ACKR1: variants seen among roughly 807,000 people sequenced by gnomAD.
ACKR1 encodes atypical chemokine receptor 1.
Under a neutral mutation model 2.5 loss-of-function variants are expected in ACKR1, and 3 were observed. That is an observed-to-expected ratio of 1.18 (90% CI 0.54 to 3.06). ACKR1 has a LOEUF of 3.06. Among genes scored for constraint, ACKR1 ranks in the 30% most tolerant of loss-of-function variants. The pLI, the probability that ACKR1 is intolerant of heterozygous loss-of-function variation, is 0.03. For missense variants in ACKR1, 438 were observed against 395.2 expected (o/e 1.11, Z -0.92); for synonymous variants, 208 against 178.2 (o/e 1.17, Z -1.33).
Position 159,205,891 on chromosome 1 carries a change from C to A in ACKR1, c.452C>A (p.Ala151Asp). ...FAQALLLGCH[A>D]SLGHRLGAGQ... ...CAGGCTTTGCTGCTAGGGTGCCATG[C>A]CTCCCTGGGCCACAGACTGGGTGCA... Residue 151 changes from alanine to aspartate, a missense_variant, in exon 2 of 2, where the codon GCC becomes GAC. Coordinates refer to ENST00000368122, the MANE Select transcript of ACKR1 (RefSeq NM_002036.4). 6.2e-7 allele frequency: 1 copy of A among 1,613,990 alleles called. No individual in the cohort carries two copies. Among genetic ancestry groups the A allele is most frequent in the Non-Finnish European group, 8.5e-7 (1 of 1,179,990 alleles).
chr1:159,206,072 T>C lies in ACKR1; in HGVS notation c.633T>C (p.Thr211=). 6.2e-7 allele frequency: 1 copy of C among 1,614,238 alleles called. No individual in the cohort carries two copies. Among genetic ancestry groups the C allele is most frequent in the Non-Finnish European group, 8.5e-7 (1 of 1,180,036 alleles). ...TELKALQATH[T]VACLAIFVLL... ...TGAAGGCTTTGCAGGCCACACACAC[T>C]GTAGCCTGTCTTGCCATCTTTGTCT... The change falls in exon 2 of 2, where the codon ACT becomes ACC. Residue 211 remains threonine (T), a synonymous_variant. Coordinates refer to ENST00000368122, the MANE Select transcript of ACKR1 (RefSeq NM_002036.4).
At position 159,206,138 on chromosome 1, in the gene ACKR1, G is replaced by A; in HGVS notation, c.699G>A (p.Lys233=). The A allele has an allele frequency of 6.2e-7, 1 of 1,614,224 alleles. No homozygotes were observed. The highest frequency in any genetic ancestry group is 8.5e-7 in the Non-Finnish European group (1 of 1,180,038). ...LGLFGAKGLK[K]ALGMGPGPWM... Reference sequence around the variant, plus strand: ...TGTTTGGAGCCAAGGGGCTGAAGAAGGCATTGGGTATGGGGCCAGGCCCCT... The same window carrying A: ...TGTTTGGAGCCAAGGGGCTGAAGAAAGCATTGGGTATGGGGCCAGGCCCCT... The change falls in exon 2 of 2, where the codon AAG becomes AAA. Residue 233 remains lysine, a synonymous_variant. Coordinates refer to ENST00000368122, the MANE Select transcript of ACKR1 (RefSeq NM_002036.4).
At position 159,206,064 on chromosome 1, in the gene ACKR1, A is replaced by G. The variant is rs377628355; in HGVS notation, c.625A>G (p.Thr209Ala). ...CACGGAGCTGAAGGCTTTGCAGGCCACACACACTGTAGCCTGTCTTGCCAT... is the reference window on the plus strand; with the variant it reads ...CACGGAGCTGAAGGCTTTGCAGGCCGCACACACTGTAGCCTGTCTTGCCAT... ...YSTELKALQA[T>A]HTVACLAIFV... The change falls in exon 2 of 2, where the codon ACA (threonine) becomes GCA (alanine). Residue 209 changes from threonine to alanine, a missense_variant. Coordinates refer to ENST00000368122, the MANE Select transcript of ACKR1 (RefSeq NM_002036.4). 7.4e-6 allele frequency: 12 copies of G among 1,614,122 alleles called. No individual in the cohort carries two copies. In the African/African-American group the frequency reaches 1.5e-4, roughly 20 times the overall value.
In ACKR1 at chr1:159,205,195, C is replaced by G. The variant is rs984944315; in HGVS notation, c.21+215C>G. 14 of 644,762 alleles carry G rather than the reference C, an allele frequency of 2.2e-5. No homozygotes were observed. In the Middle Eastern group the frequency reaches 7.5e-4, roughly 34 times the overall value. 39.9% of individuals were successfully genotyped at this position (644,762 alleles called of 1,614,324 possible). ...CCTCCCTTTGCCTTTGAGTCAGTTCCATCCTGGTCTCTTGGTGCCTTTTCC... is the reference window on the plus strand; with the variant it reads ...CCTCCCTTTGCCTTTGAGTCAGTTCGATCCTGGTCTCTTGGTGCCTTTTCC... On this transcript the variant is annotated intron_variant, in intron 1 of 1. Coordinates refer to ENST00000368122, the MANE Select transcript of ACKR1 (RefSeq NM_002036.4).
Position 159,206,217 on chromosome 1 carries a change from C to G in ACKR1, c.778C>G (p.Leu260Val). 1.2e-6 allele frequency: 2 copies of G among 1,614,208 alleles called. No individual in the cohort carries two copies. Among genetic ancestry groups the G allele is most frequent in the South Asian group, 2.2e-5 (2 of 91,084 alleles). Residue 260 changes from leucine (L) to valine (V), a missense_variant, in exon 2 of 2, where the codon CTA becomes GTA. Transcript: ENST00000368122. ...TTTCTGGTGGCCTCATGGGGTGGTT[C>G]TAGGACTGGATTTCCTGGTGAGGTC... is the stretch of plus-strand genomic sequence containing the variant. ...FIFWWPHGVV[L>V]GLDFLVRSKL...
intron 1 of ACKR1, 94 bp from the exon 2 acceptor site, chr1:159,205,367 C>A: frequency 6.7e-7 from 1 of 1,484,638 alleles, no homozygotes; most frequent in East Asian, 2.3e-5. Context: ...TCCCACCCGA[C>A]CTTCCTCTCT....
intron 1 of ACKR1, 195 bp downstream of exon 1, chr1:159,205,175 C>A: frequency 1.4e-6 from 1 of 725,480 alleles, no homozygotes; most frequent in Non-Finnish European, 2.2e-6. Flanking sequence ...GTGTCCCTCC[C>A]TTTGCCTTTG....
chr1:159,205,047 C>T (rs1321998945), intron 1 of ACKR1, 67 bp downstream of exon 1: 6 of 1,557,314 alleles, frequency 3.9e-6, no homozygotes, highest in Non-Finnish European at 5.2e-6. Flanking sequence ...CTGTTTGCCC[C>T]TCAGTCTTTA....
chr1:159,206,298 A>T lies in ACKR1; in HGVS notation c.859A>T (p.Asn287Tyr). The T allele has an allele frequency of 6.2e-7, 1 of 1,614,190 alleles. No homozygotes were observed. Among genetic ancestry groups the T allele is most frequent in the African/African-American group, 1.3e-5 (1 of 75,040 alleles). Residue 287 changes from asparagine (N) to tyrosine (Y), a missense_variant, in exon 2 of 2, where the codon AAC (asparagine) becomes TAC (tyrosine). Transcript: ENST00000368122. Reference sequence around the variant, plus strand: ...CCAGCAGGCTCTGGACCTGCTGCTGAACCTGGCAGAAGCCCTGGCAATTTT... The same window carrying T: ...CCAGCAGGCTCTGGACCTGCTGCTGTACCTGGCAGAAGCCCTGGCAATTTT... The part of the protein sequence containing the change: ...LAQQALDLLL[N>Y]LAEALAILHC...
chr1:159,206,168 G>A lies in ACKR1; in HGVS notation c.729G>A (p.Met243Ile), dbSNP rs762234815. The change falls in exon 2 of 2, where the codon ATG (methionine) becomes ATA (isoleucine). Residue 243 changes from methionine (M) to isoleucine (I), a missense_variant. Met to Ile is a conservative substitution (Grantham distance 10). Coordinates refer to ENST00000368122, the MANE Select transcript of ACKR1 (RefSeq NM_002036.4). ...TGGGTATGGGGCCAGGCCCCTGGATGAATATCCTGTGGGCCTGGTTTATTT... is the reference window on the plus strand; with the variant it reads ...TGGGTATGGGGCCAGGCCCCTGGATAAATATCCTGTGGGCCTGGTTTATTT... ...KALGMGPGPW[M>I]NILWAWFIFW... The A allele has an allele frequency of 1.1e-5, 17 of 1,614,114 alleles. No homozygotes were observed. Among genetic ancestry groups the A allele is most frequent in the African/African-American group, 4.0e-5 (3 of 74,940 alleles).
At chr1:159,205,323 C>T (rs1009438649) in intron 1 of ACKR1, 138 bp from the exon 2 acceptor site, 10 of 1,060,684 alleles carry the variant, frequency 9.4e-6, no homozygotes, top group South Asian at 7.9e-5. Context: ...TTCCACTGTC[C>T]GCACTGCATC....
chr1:159,206,036 C>T lies in ACKR1; in HGVS notation c.597C>T (p.Tyr199=), dbSNP rs1416541424. 6.2e-7 allele frequency: 1 copy of T among 1,614,236 alleles called. No individual in the cohort carries two copies. The highest frequency in any genetic ancestry group is 8.5e-7 in the Non-Finnish European group (1 of 1,180,030). ...CTGGTGGACTCTGCACCCTGATATA[C>T]AGCACGGAGCTGAAGGCTTTGCAGG... ...GASGGLCTLI[Y]STELKALQAT... The change falls in exon 2 of 2, where the codon TAC becomes TAT. Residue 199 remains tyrosine, a synonymous_variant. Transcript: ENST00000368122.
intron 1 of ACKR1, 84 bp from the exon 2 acceptor site, chr1:159,205,377 T>G: frequency 6.6e-7 from 1 of 1,525,362 alleles, no homozygotes; most frequent in South Asian, 1.3e-5. Flanking sequence ...CCTTCCTCTC[T>G]GTCCTCCCCT....
At position 159,205,551 on chromosome 1, in the gene ACKR1, G is replaced by T; in HGVS notation, c.112G>T (p.Asp38Tyr). 1 of 1,614,246 alleles carries T rather than the reference G, an allele frequency of 6.2e-7. No individual in the cohort carries two copies. The highest frequency in any genetic ancestry group is 8.5e-7 in the Non-Finnish European group (1 of 1,180,046). The stretch of plus-strand genomic sequence containing the variant: ...CTATGGTGTGAATGATTCCTTCCCA[G>T]ATGGAGACTATGGTGCCAACCTGGA... ...SSYGVNDSFP[D>Y]GDYGANLEAA... is the part of the protein sequence containing the mutation. The change falls in exon 2 of 2, where the codon GAT (aspartate) becomes TAT (tyrosine). Residue 38 changes from aspartate (D) to tyrosine (Y), a missense_variant. Transcript: ENST00000368122.
At chr1:159,205,433 G>C (rs772160190) in intron 1 of ACKR1, 28 bp from the exon 2 acceptor site, 2 of 1,586,766 alleles carry the variant, frequency 1.3e-6, no homozygotes, top group Non-Finnish European at 1.7e-6. Flanking sequence ...GTGTAACTCT[G>C]ATGGCCTCCT....
chr1:159,205,086 C>G, intron 1 of ACKR1, 106 bp downstream of exon 1: 2 of 1,360,052 alleles, frequency 1.5e-6, no homozygotes, highest in Non-Finnish European at 2.0e-6. Context: ...CTCATCTTTT[C>G]TCCCTTCCTG....
chr1:159,205,469 C>A lies in ACKR1; in HGVS notation c.30C>A (p.Leu10=). The A allele has an allele frequency of 6.2e-7, 1 of 1,610,070 alleles. No individual in the cohort carries two copies. The highest frequency in any genetic ancestry group is 8.5e-7 in the Non-Finnish European group (1 of 1,177,636). The change falls in exon 2 of 2, where the codon CTC becomes CTA. Residue 10 remains leucine (L), a synonymous_variant. Transcript: ENST00000368122. MGNCLHRAE[L]SPSTENSSQL... Reference sequence around the variant, plus strand: ...CTGGGTATGTCCTCCAGGCGGAGCTCTCCCCCTCAACTGAGAACTCAAGTC... The same window carrying A: ...CTGGGTATGTCCTCCAGGCGGAGCTATCCCCCTCAACTGAGAACTCAAGTC...
At position 159,206,059 on chromosome 1, in the gene ACKR1, A is replaced by C; in HGVS notation, c.620A>C (p.Gln207Pro). 1 of 1,614,230 alleles carries C rather than the reference A, an allele frequency of 6.2e-7. No individual in the cohort carries two copies. Among genetic ancestry groups the C allele is most frequent in the Non-Finnish European group, 8.5e-7 (1 of 1,180,036 alleles). ...LIYSTELKAL[Q>P]ATHTVACLAI... ...TACAGCACGGAGCTGAAGGCTTTGCAGGCCACACACACTGTAGCCTGTCTT... is the reference window on the plus strand; with the variant it reads ...TACAGCACGGAGCTGAAGGCTTTGCCGGCCACACACACTGTAGCCTGTCTT... The change falls in exon 2 of 2, where the codon CAG becomes CCG. Residue 207 changes from glutamine (Q) to proline (P), a missense_variant. By Grantham distance (76) the Gln-to-Pro change is moderately conservative. Transcript: ENST00000368122.
At position 159,205,898 on chromosome 1, in the gene ACKR1, G is replaced by A; in HGVS notation, c.459G>A (p.Leu153=). The A allele has an allele frequency of 1.2e-6, 2 of 1,614,018 alleles. No individual in the cohort carries two copies. The highest frequency in any genetic ancestry group is 1.3e-5 in the African/African-American group (1 of 75,062). Residue 153 remains leucine (L), a synonymous_variant, in exon 2 of 2, where the codon CTG becomes CTA. Transcript: ENST00000368122. The part of the protein sequence containing the change: ...QALLLGCHAS[L]GHRLGAGQVP... ...TGCTGCTAGGGTGCCATGCCTCCCT[G>A]GGCCACAGACTGGGTGCAGGCCAGG... is the stretch of plus-strand genomic sequence containing the variant.
Sources: allele counts gnomAD v4.1 joint callset, GRCh38; gene constraint gnomAD v4.1.1; transcripts MANE v1.5; gene names NCBI Gene and HGNC (gene_info 2026-07-23, HGNC 2026-07-21).